Variants in LZTS1 observed in about 807,000 individuals in gnomAD.
The protein encoded by LZTS1 is leucine zipper tumor suppressor 1.
Under a neutral mutation model 45.8 loss-of-function variants are expected in LZTS1, and 31 were observed. The ratio of observed to expected loss-of-function variants is 0.68; its 90% CI spans 0.51 to 0.91. LZTS1 has a LOEUF of 0.91. Ranked by LOEUF, LZTS1 falls within the 40% of genes least tolerant of loss-of-function variation. LZTS1 has a pLI of 0.00. For missense variants in LZTS1, 821 were observed against 788.9 expected, an observed-to-expected ratio of 1.04 and a Z score of -0.49; for synonymous variants, 359 against 357.3, an observed-to-expected ratio of 1.00 and a Z score of -0.05.
chr8:20,259,055 G>A (rs777445972), intron 1 of LZTS1, among the ~76,000 whole-genome samples: 4 of 152,042 alleles, frequency 2.6e-5, no homozygotes, highest in Non-Finnish European at 5.9e-5. Flanking sequence ...TGTCATTTTG[G>A]GCCAAAAGAC....
rs1800072059 is a variant in LZTS1, at chr8:20,255,322, G to A, written c.-134-7C>T. 1 of 1,438,798 alleles carries A rather than the reference G, an allele frequency of 7.0e-7. No individual in the cohort carries two copies. The highest frequency in any genetic ancestry group is 9.1e-7 in the Non-Finnish European group (1 of 1,101,740). 89.1% of individuals were successfully genotyped at this position (1,438,798 alleles called of 1,614,324 possible). On this transcript the variant is annotated splice_region_variant and splice_polypyrimidine_tract_variant and intron_variant, in intron 1 of 3. Coordinates refer to ENST00000381569, the MANE Select transcript of LZTS1 (RefSeq NM_021020.5). ...GCCTGCGAGAGCCGTAGACCTGGAA[G>A]AAGACACAAGACAGAAGTCAGCGTG...
chr8:20,250,131 G>C lies in LZTS1; in HGVS notation c.1382C>G (p.Ala461Gly). 6.2e-7 allele frequency: 1 copy of C among 1,607,838 alleles called. No individual in the cohort carries two copies. Among genetic ancestry groups the C allele is most frequent in the Admixed American group, 1.7e-5 (1 of 59,922 alleles). The change falls in exon 4 of 4, where the codon GCG (alanine) becomes GGG (glycine). Residue 461 changes from alanine (A) to glycine (G), a missense_variant. Transcript: ENST00000381569. ...GTTCACCTTCTCCCGCAGCAGCTCC[G>C]CCTCGTTCTTCTTGCGCTGCAGCTC... ...ENELQRKKNEAELLREKVNLL... is the reference protein window; with the variant it reads ...ENELQRKKNEGELLREKVNLL...
At chr8:20,265,923 C>A (rs1294509398) in intron 1 of LZTS1, among the ~76,000 whole-genome samples, 3 of 152,134 alleles carry the variant, frequency 2.0e-5, no homozygotes, top group Admixed American at 2.0e-4. Context: ...GTCTGTCACC[C>A]CACTTATCTT....
chr8:20,266,584 G>A (rs564777967), intron 1 of LZTS1, among the ~76,000 whole-genome samples: 4 of 148,570 alleles, frequency 2.7e-5, no homozygotes, highest in Admixed American at 1.4e-4. Context: ...AATCCTGTTC[G>A]GCGTTTTGGA....
chr8:20,268,181 C>T (rs1446133662), intron 1 of LZTS1, among the ~76,000 whole-genome samples: 1 of 143,894 alleles, frequency 6.9e-6, no homozygotes, highest in Non-Finnish European at 1.5e-5. Flanking sequence ...CCCCCACCCC[C>T]ACTCCCATCT....
intron 1 of LZTS1, among the ~76,000 whole-genome samples, chr8:20,291,292 C>T (rs943102608): frequency 7.2e-5 from 11 of 152,164 alleles, no homozygotes; most frequent in Non-Finnish European, 1.3e-4. Context: ...GGCAGCACAA[C>T]CTGACCCTAA....
intron 1 of LZTS1, among the ~76,000 whole-genome samples, chr8:20,267,679 A>G (rs1453768790): frequency 6.6e-6 from 1 of 152,020 alleles, no homozygotes; most frequent in Non-Finnish European, 1.5e-5. Flanking sequence ...CACCATGCCC[A>G]GCTAATTTTT....
intron 1 of LZTS1, among the ~76,000 whole-genome samples, chr8:20,266,216 C>A (rs1800351441): frequency 6.6e-6 from 1 of 152,016 alleles, no homozygotes; most frequent in Non-Finnish European, 1.5e-5. Context: ...AGAGACAGGG[C>A]AGGGCTTGCT....
chr8:20,271,672 AC>A (rs1800477329), intron 1 of LZTS1, among the ~76,000 whole-genome samples: 1 of 152,168 alleles, frequency 6.6e-6, no homozygotes, highest in Non-Finnish European at 1.5e-5. Context: ...AACCTCCCTG[AC>A]CGCGGCTGCT....
intron 1 of LZTS1, among the ~76,000 whole-genome samples, chr8:20,281,807 C>T (rs1240801730): frequency 6.6e-6 from 1 of 152,194 alleles, no homozygotes; most frequent in East Asian, 1.9e-4. Context: ...ACCAGCAGAA[C>T]TGTGAGCCAA....
chr8:20,283,428 C>T (rs1489024608), intron 1 of LZTS1, among the ~76,000 whole-genome samples: 1 of 152,178 alleles, frequency 6.6e-6, no homozygotes, highest in African/African-American at 2.4e-5. Flanking sequence ...TCTGCTGGCA[C>T]CTTGATCTTG....
intron 1 of LZTS1, among the ~76,000 whole-genome samples, chr8:20,273,998 C>A (rs1319203874): frequency 6.6e-6 from 1 of 152,022 alleles, no homozygotes; most frequent in African/African-American, 2.4e-5. Context: ...TCAGACCCTG[C>A]CCTAGGTTTT....
Position 20,284,498 on chromosome 8 carries a change from T to C in LZTS1, c.-135+19242A>G, listed in dbSNP as rs12334626. On this transcript the variant is annotated intron_variant, in intron 1 of 3. Coordinates refer to ENST00000381569, the MANE Select transcript of LZTS1 (RefSeq NM_021020.5). ...TTTGTTTTTGTTTTAATCACAAGATTAGTTAAGAGAAGGTAAAGGCATGCA... is the reference window on the plus strand; with the variant it reads ...TTTGTTTTTGTTTTAATCACAAGATCAGTTAAGAGAAGGTAAAGGCATGCA... Among the ~76,000 whole-genome samples the C allele has an allele frequency of 6.2e-3, 948 of 152,248 alleles. 12 individuals are homozygous for C. Among genetic ancestry groups the C allele is most frequent in the African/African-American group, 0.022 (902 of 41,528 alleles).
At chr8:20,269,710 G>A (rs1034506729) in intron 1 of LZTS1, among the ~76,000 whole-genome samples, 1 of 152,212 alleles carries the variant, frequency 6.6e-6, no homozygotes, top group African/African-American at 2.4e-5. Flanking sequence ...CACCTGGTTA[G>A]CCTTTGGCAA....
rs199603808 is a variant in LZTS1, at chr8:20,249,985, C to T, written c.1528G>A (p.Glu510Lys). 42 of 1,613,628 alleles carry T rather than the reference C, an allele frequency of 2.6e-5. No homozygotes were observed. The highest frequency in any genetic ancestry group is 3.3e-5 in the South Asian group (3 of 91,078). Residue 510 changes from glutamate (E) to lysine (K), a missense_variant, in exon 4 of 4, where the codon GAG becomes AAG. Coordinates refer to ENST00000381569, the MANE Select transcript of LZTS1 (RefSeq NM_021020.5). Reference sequence around the variant, plus strand: ...TGGCCTTGCCGCTCCTCCCGCAGCTCGGCCCGCAGCCGCTCCAGCTCCCGC... The same window carrying T: ...TGGCCTTGCCGCTCCTCCCGCAGCTTGGCCCGCAGCCGCTCCAGCTCCCGC... Reference protein sequence around the residue: ...LQRELERLRAELREERQGHDQ... With the variant: ...LQRELERLRAKLREERQGHDQ...
chr8:20,263,538 G>A (rs1057473874), intron 1 of LZTS1, among the ~76,000 whole-genome samples: 2 of 152,146 alleles, frequency 1.3e-5, no homozygotes, highest in African/African-American at 2.4e-5. Flanking sequence ...AACAAATAAC[G>A]TGGTCTTGGA....
At chr8:20,280,961 C>T (rs981268876) in intron 1 of LZTS1, among the ~76,000 whole-genome samples, 3 of 152,228 alleles carry the variant, frequency 2.0e-5, no homozygotes, top group Non-Finnish European at 4.4e-5. Context: ...CTGCAGCTCA[C>T]AGTTCGCTTA....
chr8:20,269,114 C>A (rs1403778288), intron 1 of LZTS1, among the ~76,000 whole-genome samples: 1 of 152,220 alleles, frequency 6.6e-6, no homozygotes, highest in Non-Finnish European at 1.5e-5. Context: ...GCCACAGTTA[C>A]ATGCAAAGCT....
rs1800082222 is a variant in LZTS1 at position 20,255,682 on chromosome 8, G to T, written c.-134-367C>A. Among the ~76,000 whole-genome samples, 3 of 152,108 alleles carry T rather than the reference G, an allele frequency of 2.0e-5. No individual in the cohort carries two copies. In the South Asian group the frequency reaches 6.2e-4, roughly 32 times the overall value. ...TGCTGCGGGTACCAGTGCTGCGGGGGAAACTGGAGCAGAGAGGACAGAACA... is the reference window on the plus strand; with the variant it reads ...TGCTGCGGGTACCAGTGCTGCGGGGTAAACTGGAGCAGAGAGGACAGAACA... On this transcript the variant is annotated intron_variant, in intron 1 of 3. Coordinates refer to ENST00000381569, the MANE Select transcript of LZTS1 (RefSeq NM_021020.5).
Sources: allele counts gnomAD v4.1 joint callset (sites outside exome capture counted in the v4.1 genomes callset), GRCh38; gene constraint gnomAD v4.1.1; transcripts MANE v1.5; gene names NCBI Gene and HGNC (gene_info 2026-07-23, HGNC 2026-07-21).